The following CNTNAP2 variants were observed in gnomAD, a reference collection of about 807,000 sequenced individuals.
CNTNAP2 encodes contactin-associated protein-like 2.
CNTNAP2 carries 98 observed loss-of-function variants against 155.2 expected under a neutral mutation model. That is an observed-to-expected ratio of 0.63 (90% CI 0.54 to 0.75). CNTNAP2 has a LOEUF of 0.75. CNTNAP2 is among the 30% of genes least tolerant of loss of function. CNTNAP2 has a pLI of 0.00. For synonymous variants in CNTNAP2, 651 were observed against 631.2 expected (o/e 1.03, Z -0.47); for missense variants, 1,727 against 1,688.1 (o/e 1.02, Z -0.40).
chr7:146,868,208 G>A (rs1463612379), intron 3 of CNTNAP2, among the ~76,000 whole-genome samples: 2 of 152,100 alleles, frequency 1.3e-5, no homozygotes, highest in Admixed American at 6.6e-5. Context: ...ATGGTGTAAG[G>A]AAGGGGTCCA....
chr7:147,440,274 T>C (rs1204541234), intron 10 of CNTNAP2, among the ~76,000 whole-genome samples: 1 of 152,120 alleles, frequency 6.6e-6, no homozygotes, highest in African/African-American at 2.4e-5. Context: ...TTGCAAATAC[T>C]ATCTTATAGC....
In CNTNAP2 at chr7:147,010,325, TA is replaced by T. The variant is rs566931955; in HGVS notation, c.403-33581del. On this transcript the variant is annotated intron_variant, in intron 3 of 23. Coordinates refer to ENST00000361727, the MANE Select transcript of CNTNAP2 (RefSeq NM_014141.6). Reference sequence around the variant, plus strand: ...ATTCCTGGCCTAGATCTTGGTTCTTTAGTATCATTTTTGATTAATGGATTAT... The same window carrying T: ...ATTCCTGGCCTAGATCTTGGTTCTTTGTATCATTTTTGATTAATGGATTAT... Among the ~76,000 whole-genome samples the T allele has an allele frequency of 4.6e-5, 7 of 152,130 alleles. No homozygotes were observed. In the East Asian group the frequency reaches 1.4e-3, roughly 30 times the overall value.
chr7:146,788,947 A>T (rs1802625959), intron 2 of CNTNAP2, among the ~76,000 whole-genome samples: 2 of 152,288 alleles, frequency 1.3e-5, no homozygotes, highest in African/African-American at 2.4e-5. Context: ...TCACCTGAAG[A>T]CATGTCCTGT....
intron 3 of CNTNAP2, among the ~76,000 whole-genome samples, chr7:147,031,544 C>T (rs977541493): frequency 6.6e-6 from 1 of 152,124 alleles, no homozygotes; most frequent in Non-Finnish European, 1.5e-5. Context: ...CTGATAATAA[C>T]GATATGAGGG....
rs1353387688 is a variant in CNTNAP2, at chr7:147,026,856, CTGTT to C, written c.403-17047_403-17044del. Among the ~76,000 whole-genome samples, 6 of 147,830 alleles carry C rather than the reference CTGTT, an allele frequency of 4.1e-5. No homozygotes were observed. The South Asian group carries it at 8.5e-4, about 21-fold the overall frequency. On this transcript the variant is annotated intron_variant, in intron 3 of 23. Transcript: ENST00000361727. The stretch of plus-strand genomic sequence containing the variant: ...TCTACTTCTTTATTCCTCAGAATCT[CTGTT>C]TGTATGTAATTGGCTAACAAAACCC...
chr7:147,435,236 G>A lies in CNTNAP2; in HGVS notation c.1670+39456G>A, dbSNP rs149619694. Among the ~76,000 whole-genome samples, 34 of 152,248 alleles carry A rather than the reference G, an allele frequency of 2.2e-4. No homozygotes were observed. The East Asian group carries it at 6.6e-3, about 29-fold the overall frequency. On this transcript the variant is annotated intron_variant, in intron 10 of 23. Transcript: ENST00000361727. Reference sequence around the variant, plus strand: ...AATAAATGAGTAGAGCCCACTGCAGGTTGGAAATCTACAAATCATTGCAGG... The same window carrying A: ...AATAAATGAGTAGAGCCCACTGCAGATTGGAAATCTACAAATCATTGCAGG...
chr7:147,631,236 GTAATAA>G (rs1477024115), intron 12 of CNTNAP2, among the ~76,000 whole-genome samples: 1 of 151,820 alleles, frequency 6.6e-6, no homozygotes, highest in Non-Finnish European at 1.5e-5. Context: ...GCTTCACAAA[GTAATAA>G]TAATAATAAA....
intron 16 of CNTNAP2, among the ~76,000 whole-genome samples, chr7:148,128,202 T>C (rs1310646282): frequency 6.6e-6 from 1 of 152,210 alleles, no homozygotes; most frequent in Admixed American, 6.5e-5. Flanking sequence ...CCAAGCCAAC[T>C]TGGGTTATCA....
At chr7:146,613,617 T>C (rs58024827) in intron 1 of CNTNAP2, among the ~76,000 whole-genome samples, 5,149 of 152,264 alleles carry the variant, frequency 0.034, 290 homozygotes, top group African/African-American at 0.12. Flanking sequence ...TTTACATCTG[T>C]TCAATATGAG....
At chr7:146,555,496 GTCTATCTA>G (rs200118562) in intron 1 of CNTNAP2, among the ~76,000 whole-genome samples, 4,525 of 52,334 alleles carry the variant, frequency 0.086, 86 homozygotes, top group African/African-American at 0.13. Flanking sequence ...TCATCTGTCT[GTCTATCTA>G]TCTATCTATC....
intron 11 of CNTNAP2, among the ~76,000 whole-genome samples, chr7:147,507,639 G>A (rs535597394): frequency 4.7e-4 from 61 of 129,478 alleles, no homozygotes; most frequent in Middle Eastern, 9.8e-3. Flanking sequence ...TGCAAGCTCC[G>A]CCTCCCAGGT....
intron 10 of CNTNAP2, among the ~76,000 whole-genome samples, chr7:147,468,740 GT>G (rs1397361746): frequency 2.6e-5 from 4 of 152,146 alleles, no homozygotes; most frequent in Non-Finnish European, 4.4e-5. Flanking sequence ...TAGAAAAATG[GT>G]TCTGAAACAC....
Position 146,360,823 on chromosome 7 carries a change from T to C in CNTNAP2, c.97+243850T>C, listed in dbSNP as rs1056260037. 3.9e-5 allele frequency among the ~76,000 whole-genome samples: 6 copies of C among 152,116 alleles called. No individual in the cohort carries two copies. In the South Asian group the frequency reaches 8.3e-4, roughly 21 times the overall value. ...CAGGTGTTTTTCACTATCAAGAAAA[T>C]TGATGTATAACAAACGTATCCCCTT... On this transcript the variant is annotated intron_variant, in intron 1 of 23. Transcript: ENST00000361727.
At chr7:146,639,710 G>A (rs928533565) in intron 1 of CNTNAP2, among the ~76,000 whole-genome samples, 1 of 152,204 alleles carries the variant, frequency 6.6e-6, no homozygotes, top group Non-Finnish European at 1.5e-5. Flanking sequence ...TTGTCCATGT[G>A]CCAGGCACTG....
chr7:146,776,328 C>T (rs1474921366), intron 2 of CNTNAP2, among the ~76,000 whole-genome samples: 1 of 152,142 alleles, frequency 6.6e-6, no homozygotes, highest in Non-Finnish European at 1.5e-5. Context: ...GAAAATACGA[C>T]TGAAGAAGAT....
intron 1 of CNTNAP2, among the ~76,000 whole-genome samples, chr7:146,735,423 C>T (rs1024349614): frequency 6.6e-6 from 1 of 151,946 alleles, no homozygotes; most frequent in African/African-American, 2.4e-5. Context: ...GGCGTTGTGG[C>T]GGGGGCCTGT....
chr7:146,130,985 T>G (rs1487605804), intron 1 of CNTNAP2, among the ~76,000 whole-genome samples: 2 of 152,180 alleles, frequency 1.3e-5, no homozygotes, highest in Non-Finnish European at 2.9e-5. Context: ...CACTTGGGGA[T>G]TAAGAGGGTT....
At chr7:146,424,909 C>A (rs1407579698) in intron 1 of CNTNAP2, among the ~76,000 whole-genome samples, 1 of 152,006 alleles carries the variant, frequency 6.6e-6, no homozygotes, top group Non-Finnish European at 1.5e-5. Flanking sequence ...ACAAGTGTTG[C>A]AAACCTCTCT....
intron 4 of CNTNAP2, among the ~76,000 whole-genome samples, chr7:147,093,255 A>AAG (rs1554436955): frequency 2.0e-5 from 3 of 150,716 alleles, no homozygotes; most frequent in Admixed American, 6.6e-5. Flanking sequence ...AAAAAAAAAA[A>AAG]AAAAGAAAAA....
Sources: allele counts gnomAD v4.1 joint callset (sites outside exome capture counted in the v4.1 genomes callset), GRCh38; gene constraint gnomAD v4.1.1; transcripts MANE v1.5; gene names NCBI Gene and HGNC (gene_info 2026-07-23, HGNC 2026-07-21).